CD207: variants seen among roughly 807,000 people sequenced by gnomAD.
CD207 encodes the protein C-type lectin domain family 4 member K.
CD207 carries 28 observed loss-of-function variants against 31.6 expected under a neutral mutation model. The observed-to-expected ratio is 0.89, with a 90% confidence interval of 0.66 to 1.21. The LOEUF is 1.21. CD207 is among the 50% of genes most tolerant of loss of function. The pLI, the probability that CD207 is intolerant of heterozygous loss-of-function variation, is 0.00. For synonymous variants in CD207, 168 were observed against 153.9 expected (o/e 1.09, Z -0.68); for missense variants, 388 against 397.8 (o/e 0.98, Z 0.21).
downstream of CD207, among the ~76,000 whole-genome samples, chr2:70,828,515 A>G (rs1046372371): frequency 3.3e-5 from 5 of 152,224 alleles, no homozygotes; most frequent in Non-Finnish European, 7.3e-5. Flanking sequence ...TAAGGTCCCC[A>G]TGCACAGAAA....
chr2:70,828,171 T>C (rs1297729849), downstream of CD207, among the ~76,000 whole-genome samples: 1 of 152,216 alleles, frequency 6.6e-6, no homozygotes, highest in African/African-American at 2.4e-5. Context: ...TGCCCAGGTA[T>C]TGATAACACC....
intron 2 of CD207, among the ~76,000 whole-genome samples, chr2:70,835,185 G>A (rs989763397): frequency 7.9e-5 from 12 of 152,210 alleles, no homozygotes; most frequent in African/African-American, 1.7e-4. Flanking sequence ...GGGGGTGGAC[G>A]GGGAGAAAAT....
At chr2:70,829,921 G>A (rs1677427443), downstream of CD207, among the ~76,000 whole-genome samples, 1 of 152,186 alleles carries the variant, frequency 6.6e-6, no homozygotes, top group Non-Finnish European at 1.5e-5. Context: ...TGGGGAACCT[G>A]CTGAGACTTG....
At position 70,833,050 on chromosome 2, in the gene CD207, A is replaced by G; in HGVS notation, c.567T>C (p.Asn189=). ...CTTGAGAAACCACCTGTAGAATATC[A>G]TCTAGAGAACAAGAGGTAAAAGTGA... ...ENMSKLLKRQ[N]DILQVVSQGW... Residue 189 remains asparagine, a splice_region_variant and synonymous_variant, in exon 4 of 6, where the codon AAT becomes AAC. Coordinates refer to ENST00000410009, the MANE Select transcript of CD207 (RefSeq NM_015717.5). The G allele has an allele frequency of 1.2e-6, 2 of 1,613,912 alleles. No homozygotes were observed. The highest frequency in any genetic ancestry group is 2.2e-5 in the East Asian group (1 of 44,882).
chr2:70,831,669 T>G (rs1677476669), intron 5 of CD207, 32 bp downstream of exon 5: 1 of 1,369,844 alleles, frequency 7.3e-7, no homozygotes, highest in Non-Finnish European at 1.0e-6. Flanking sequence ...CCGGGGAAAG[T>G]CAGGCTGGCA....
intron 4 of CD207, 107 bp downstream of exon 4, chr2:70,832,793 G>C: frequency 9.1e-7 from 1 of 1,104,882 alleles, no homozygotes; most frequent in South Asian, 1.8e-5. Flanking sequence ...TTCTTCATTA[G>C]GTCATCAATA....
At position 70,830,350 on chromosome 2, in the gene CD207, G is replaced by A. The variant is rs1553399452; in HGVS notation, c.*700C>T. ...GAGGAGGAGGTGCCGGAGAGGTGAG[G>A]ACAGGGGCTGGATGGACGCTGGGTG... On this transcript the variant is annotated 3_prime_UTR_variant, in exon 6 of 6. Transcript: ENST00000410009. 2 of 152,952 alleles carry A rather than the reference G, an allele frequency of 1.3e-5. No homozygotes were observed. Among genetic ancestry groups the A allele is most frequent in the African/African-American group, 4.8e-5 (2 of 41,468 alleles). The allele number at this position is 152,952 out of a possible 1,614,324, so 9.5% of individuals were successfully genotyped here. A position where few individuals can be genotyped will look rare whatever the true frequency, so the allele number is the denominator to read the frequency against.
At chr2:70,829,061 GC>G (rs1677409478), downstream of CD207, among the ~76,000 whole-genome samples, 4 of 152,134 alleles carry the variant, frequency 2.6e-5, no homozygotes, top group Admixed American at 2.0e-4. Flanking sequence ...TTAACTCAGT[GC>G]CTTCCAGCTC....
chr2:70,824,798 AC>A, the CD207 span, among the ~76,000 whole-genome samples: 2 of 152,214 alleles, frequency 1.3e-5, no homozygotes, highest in Non-Finnish European at 2.9e-5. Context: ...GTGAGTCCAT[AC>A]TGACATAAAT....
chr2:70,824,224 A>G, the CD207 span, among the ~76,000 whole-genome samples: 158 of 152,040 alleles, frequency 1.0e-3, 1 homozygote, highest in African/African-American at 3.5e-3. Flanking sequence ...AAGTGTCCTG[A>G]TTTTACACCC....
chr2:70,827,541 AAC>A (rs1392539221), downstream of CD207, among the ~76,000 whole-genome samples: 1 of 152,202 alleles, frequency 6.6e-6, no homozygotes, highest in Non-Finnish European at 1.5e-5. Flanking sequence ...GCCCAGCCCC[AAC>A]CAGGGCAACA....
rs1553400488 is a variant in CD207, at chr2:70,834,027, T to C, written c.191-7A>G. ...GTGCCCATAAACCGGGGATCTGGGA[T>C]TGAGAAAGTCAGGAGGTCAGCTGAG... On this transcript the variant is annotated splice_polypyrimidine_tract_variant and splice_region_variant and intron_variant, in intron 2 of 5. Transcript: ENST00000410009. 2 of 1,503,870 alleles carry C rather than the reference T, an allele frequency of 1.3e-6. No homozygotes were observed. The highest frequency in any genetic ancestry group is 4.6e-5 in the Admixed American group (2 of 43,896). 93.2% of individuals were successfully genotyped at this position (1,503,870 alleles called of 1,614,324 possible).
Position 70,833,767 on chromosome 2 carries a change from A to G in CD207, c.444T>C (p.Ser148=), listed in dbSNP as rs1257336872. The change falls in exon 3 of 6, where the codon AGT becomes AGC. Residue 148 remains serine (S), a synonymous_variant. Coordinates refer to ENST00000410009, the MANE Select transcript of CD207 (RefSeq NM_015717.5). The stretch of plus-strand genomic sequence containing the variant: ...ACTCTGGGATTTGGGCATTTAAGGT[A>G]CTGACTTCTTCCCAACTTCTTGTTA... The part of the protein sequence containing the change: ...QILTRSWEEV[S]TLNAQIPELK... 6.2e-7 allele frequency: 1 copy of G among 1,614,032 alleles called. No individual in the cohort carries two copies. Among genetic ancestry groups the G allele is most frequent in the Non-Finnish European group, 8.5e-7 (1 of 1,179,896 alleles).
intron 4 of CD207, 57 bp from the exon 5 acceptor site, chr2:70,831,876 T>C: frequency 3.5e-6 from 4 of 1,142,078 alleles, no homozygotes; most frequent in Non-Finnish European, 5.3e-6. Flanking sequence ...TGATCATCTG[T>C]CTCTGGGTGT....
At chr2:70,827,052 G>A (rs569469262), downstream of CD207, among the ~76,000 whole-genome samples, 1 of 152,142 alleles carries the variant, frequency 6.6e-6, no homozygotes, top group Admixed American at 6.5e-5. Context: ...CCACACTCCA[G>A]CTAGACTGGA....
intron 1 of CD207, 25 bp from the exon 2 acceptor site, chr2:70,835,632 T>G: frequency 6.2e-7 from 1 of 1,611,146 alleles, no homozygotes; most frequent in Non-Finnish European, 8.5e-7. Flanking sequence ...AGAAAATGTG[T>G]GTTGAAGGAG....
chr2:70,824,358 C>G, the CD207 span, among the ~76,000 whole-genome samples: 1 of 152,070 alleles, frequency 6.6e-6, no homozygotes, highest in Admixed American at 6.5e-5. Flanking sequence ...CAAGTCCTGT[C>G]ACCATGGTGC....
chr2:70,832,771 G>A, intron 4 of CD207, 129 bp downstream of exon 4: 1 of 956,852 alleles, frequency 1.0e-6, no homozygotes, highest in Non-Finnish European at 1.5e-6. Flanking sequence ...ACATGCTACT[G>A]AGAACCAATC....
chr2:70,833,820 C>T lies in CD207; in HGVS notation c.391G>A (p.Glu131Lys). ...ATCTGGATCTGTGCGTTGGCCTTCT[C>T]CACACTGGTTTTTAACTTCAGGAAC... is the stretch of plus-strand genomic sequence containing the variant. ...SQFLKLKTSV[E>K]KANAQIQILT... Residue 131 changes from glutamate (E) to lysine (K), a missense_variant, in exon 3 of 6, where the codon GAG (glutamate) becomes AAG (lysine). Physicochemically the swap from Glu to Lys is moderately conservative, Grantham distance 56. Coordinates refer to ENST00000410009, the MANE Select transcript of CD207 (RefSeq NM_015717.5). The T allele has an allele frequency of 2.5e-6, 4 of 1,613,994 alleles. No homozygotes were observed. The highest frequency in any genetic ancestry group is 3.4e-6 in the Non-Finnish European group (4 of 1,179,884).
Sources: gnomAD v4.1 joint callset for allele counts (sites outside exome capture counted in the v4.1 genomes callset) on GRCh38, gnomAD v4.1.1 for gene constraint, MANE v1.5 for transcripts, NCBI Gene and HGNC (gene_info 2026-07-23, HGNC 2026-07-21) for gene names.